The following CPS1 variants were observed in gnomAD, a reference collection of about 807,000 sequenced individuals.
CPS1 encodes carbamoyl-phosphate synthase 1, also known as carbamoyl-phosphate synthase [ammonia], mitochondrial.
A neutral mutation model predicts 174.6 loss-of-function variants in CPS1; 109 were observed. The observed-to-expected ratio is 0.62, with a 90% CI of 0.53 to 0.73. The LOEUF is 0.73. Among genes scored for constraint, CPS1 ranks in the 30% least tolerant of loss-of-function variants. The pLI is 0.00. For synonymous variants in CPS1, 637 were observed against 632.0 expected, an observed-to-expected ratio of 1.01 and a Z score of -0.12; for missense variants, 1,689 against 1,821.9, an observed-to-expected ratio of 0.93 and a Z score of 1.33.
At chr2:210,585,384 G>A (rs1398611031) in intron 6 of CPS1, among the ~76,000 whole-genome samples, 1 of 151,834 alleles carries the variant, frequency 6.6e-6, no homozygotes, top group Non-Finnish European at 1.5e-5. Flanking sequence ...ACTAATAACT[G>A]TAAGTCTTAT....
chr2:210,610,216 C>A (rs1699063862), intron 19 of CPS1, among the ~76,000 whole-genome samples: 1 of 151,898 alleles, frequency 6.6e-6, no homozygotes, highest in Middle Eastern at 3.4e-3. Flanking sequence ...ATAATGTTCA[C>A]CATAAAATTG....
At chr2:210,491,460 C>T (rs1276173868) in intron 1 of CPS1, among the ~76,000 whole-genome samples, 1 of 151,662 alleles carries the variant, frequency 6.6e-6, no homozygotes, top group South Asian at 2.1e-4. Context: ...ACTACAGGCA[C>T]GTGCCACCAT....
intron 36 of CPS1, among the ~76,000 whole-genome samples, chr2:210,676,042 T>A (rs978472377): frequency 1.4e-4 from 21 of 152,230 alleles, no homozygotes; most frequent in African/African-American, 5.1e-4. Context: ...GAAACGTGTT[T>A]CAAAATACTT....
chr2:210,489,997 C>CAAAA (rs10604397), intron 1 of CPS1, among the ~76,000 whole-genome samples: 1 of 88,428 alleles, frequency 1.1e-5, no homozygotes, highest in Non-Finnish European at 2.4e-5. Flanking sequence ...GACTCTGTCT[C>CAAAA]AAAAAAAAAA....
chr2:210,632,347 T>A (rs1699895226), intron 21 of CPS1, among the ~76,000 whole-genome samples: 1 of 152,232 alleles, frequency 6.6e-6, no homozygotes, highest in Non-Finnish European at 1.5e-5. Context: ...TTGTATTTAT[T>A]TGACTCTGAG....
At chr2:210,479,304 A>G (rs965449730) in intron 1 of CPS1, among the ~76,000 whole-genome samples, 2 of 147,350 alleles carry the variant, frequency 1.4e-5, no homozygotes, top group Non-Finnish European at 1.5e-5. Flanking sequence ...GTGGATTATG[A>G]CTTCATTGAA....
At chr2:210,586,178 AG>A (rs1698100767) in intron 6 of CPS1, among the ~76,000 whole-genome samples, 1 of 152,024 alleles carries the variant, frequency 6.6e-6, no homozygotes. Context: ...CCTAGAAATT[AG>A]TACTGAGTCG....
rs994178330 is a variant in CPS1 at position 210,577,108 on chromosome 2, G to A, written c.382-313G>A. 3.8e-5 allele frequency: 13 copies of A among 341,504 alleles called. 1 individual carries two copies. The highest frequency in any genetic ancestry group is 2.7e-4 in the African/African-American group (13 of 47,328). 21.2% of individuals were successfully genotyped at this position (341,504 alleles called of 1,614,324 possible). A position where few individuals can be genotyped will look rare whatever the true frequency, so the allele number is the denominator to read the frequency against. On this transcript the variant is annotated intron_variant, in intron 3 of 37. Transcript: ENST00000233072. ...TTAAGTATAAATTAAAAATGATTTTGTTCATCATGTGCATTAAGCCAGTAA... is the reference window on the plus strand; with the variant it reads ...TTAAGTATAAATTAAAAATGATTTTATTCATCATGTGCATTAAGCCAGTAA...
At chr2:210,554,220 C>T (rs1253262170), upstream of CPS1, among the ~76,000 whole-genome samples, 1 of 135,286 alleles carries the variant, frequency 7.4e-6, no homozygotes, top group African/African-American at 2.9e-5. Context: ...TATATATACA[C>T]ACACATATAT....
chr2:210,676,477 A>G (rs1701540630), intron 36 of CPS1, among the ~76,000 whole-genome samples: 1 of 152,236 alleles, frequency 6.6e-6, no homozygotes, highest in Admixed American at 6.5e-5. Context: ...TGGCTGTGCC[A>G]TTCTATGCAA....
chr2:210,592,467 A>G (rs1574563859), intron 10 of CPS1, among the ~76,000 whole-genome samples: 1 of 152,086 alleles, frequency 6.6e-6, no homozygotes, highest in South Asian at 2.1e-4. Context: ...TTTGAGCCCC[A>G]TCTGGGTGGG....
At chr2:210,634,779 C>T (rs1166234902) in intron 21 of CPS1, among the ~76,000 whole-genome samples, 1 of 152,184 alleles carries the variant, frequency 6.6e-6, no homozygotes, top group East Asian at 1.9e-4. Context: ...AGCACGTACT[C>T]ACTAAATGTT....
In CPS1 at chr2:210,549,094, T is replaced by G. The variant is rs567494439; in HGVS notation, c.4-7625T>G. Reference sequence around the variant, plus strand: ...ACGAAGTCGGTAACTTCAAGACATGTTGCACCACATGCTTCTCTGTGATCC... The same window carrying G: ...ACGAAGTCGGTAACTTCAAGACATGGTGCACCACATGCTTCTCTGTGATCC... On this transcript the variant is annotated intron_variant, in intron 1 of 38. Transcript: ENST00000430249. 3.9e-5 allele frequency among the ~76,000 whole-genome samples: 6 copies of G among 152,142 alleles called. No homozygotes were observed. In the East Asian group the frequency reaches 9.7e-4, roughly 25 times the overall value.
Position 210,601,227 on chromosome 2 carries a change from T to G in CPS1, c.1707+515T>G, listed in dbSNP as rs189705658. On this transcript the variant is annotated intron_variant, in intron 15 of 37. Coordinates refer to ENST00000233072, the MANE Select transcript of CPS1 (RefSeq NM_001875.5). Reference sequence around the variant, plus strand: ...TGTTATTTATTTCCATTGCCCCTTATGCCTATCAATAAGCTATTAACAGTT... The same window carrying G: ...TGTTATTTATTTCCATTGCCCCTTAGGCCTATCAATAAGCTATTAACAGTT... 7.9e-5 allele frequency among the ~76,000 whole-genome samples: 12 copies of G among 152,096 alleles called. No homozygotes were observed. In the East Asian group the frequency reaches 2.1e-3, roughly 27 times the overall value.
intron 21 of CPS1, among the ~76,000 whole-genome samples, chr2:210,626,713 A>C (rs1026493291): frequency 1.3e-5 from 2 of 152,190 alleles, no homozygotes; most frequent in Non-Finnish European, 2.9e-5. Flanking sequence ...CACGTTTTCA[A>C]ATTTTTGCAT....
chr2:210,612,998 T>C (rs942338114), intron 20 of CPS1, among the ~76,000 whole-genome samples: 2 of 151,982 alleles, frequency 1.3e-5, no homozygotes, highest in African/African-American at 4.8e-5. Context: ...ATCTGTCTGG[T>C]CAGAAATCCC....
chr2:210,583,950 G>T (rs993166027), intron 6 of CPS1, among the ~76,000 whole-genome samples: 2 of 152,084 alleles, frequency 1.3e-5, no homozygotes, highest in African/African-American at 4.8e-5. Context: ...ATACAAATGG[G>T]AGGAAGAGGG....
chr2:210,533,692 A>G (rs903006173), intron 1 of CPS1, among the ~76,000 whole-genome samples: 18 of 152,144 alleles, frequency 1.2e-4, no homozygotes, highest in African/African-American at 4.1e-4. Flanking sequence ...AAAACTATAA[A>G]AACTCATATT....
chr2:210,624,287 A>C (rs1051390934), intron 21 of CPS1, among the ~76,000 whole-genome samples: 4 of 152,078 alleles, frequency 2.6e-5, no homozygotes, highest in Non-Finnish European at 5.9e-5. Context: ...CTCCCTTCTT[A>C]TTTTACTGGT....
Sources: gnomAD v4.1 joint callset for allele counts (sites outside exome capture counted in the v4.1 genomes callset) on GRCh38, gnomAD v4.1.1 for gene constraint, MANE v1.5 for transcripts, NCBI Gene and HGNC (gene_info 2026-07-23, HGNC 2026-07-21) for gene names.